The following SOX6 variants were observed in gnomAD, a reference collection of about 807,000 sequenced individuals.
The protein encoded by SOX6 is transcription factor SOX-6.
In SOX6, 11 loss-of-function variants were observed where a neutral mutation model predicts 97.8. The ratio of observed to expected loss-of-function variants is 0.11; its 90% confidence interval spans 0.07 to 0.19. The LOEUF is 0.19. SOX6 is among the 10% of genes least tolerant of loss of function. SOX6 has a pLI of 1.00. For synonymous variants in SOX6, 360 were observed against 371.4 expected, an observed-to-expected ratio of 0.97 and a Z score of 0.35; for missense variants, 810 against 1,039.5, an observed-to-expected ratio of 0.78 and a Z score of 3.04.
chr11:16,460,926 C>A (rs1258758378), intron 1 of SOX6, among the ~76,000 whole-genome samples: 1 of 152,022 alleles, frequency 6.6e-6, no homozygotes, highest in Non-Finnish European at 1.5e-5. Context: ...TAGGTCCTAG[C>A]CTTAATATCT....
chr11:16,427,141 A>C (rs1859158128), intron 1 of SOX6, among the ~76,000 whole-genome samples: 1 of 152,062 alleles, frequency 6.6e-6, no homozygotes, highest in Admixed American at 6.5e-5. Flanking sequence ...AATTAAACTA[A>C]AAAGCTTCTG....
chr11:16,009,781 G>A (rs1463587857), intron 13 of SOX6, among the ~76,000 whole-genome samples: 7 of 152,002 alleles, frequency 4.6e-5, no homozygotes, highest in Admixed American at 2.0e-4. Context: ...TTGAACTAAT[G>A]ATCTTTACAT....
At chr11:16,566,727 A>C (rs1847876749) in intron 4 of SOX6, among the ~76,000 whole-genome samples, 1 of 152,262 alleles carries the variant, frequency 6.6e-6, no homozygotes. Flanking sequence ...TACATGGCTC[A>C]TGGAAAGGTA....
intron 1 of SOX6, among the ~76,000 whole-genome samples, chr11:16,422,482 C>T (rs528372006): frequency 3.0e-4 from 46 of 152,176 alleles, no homozygotes; most frequent in Admixed American, 1.1e-3. Flanking sequence ...AGTTCTGGTC[C>T]TCAGTGGCCT....
intron 4 of SOX6, among the ~76,000 whole-genome samples, chr11:16,548,381 T>C (rs10832643): frequency 0.25 from 37,472 of 152,060 alleles, 5,115 homozygotes; most frequent in East Asian, 0.48. Context: ...GAAAATGTTC[T>C]CAATTTTTAA....
At chr11:16,472,643 T>G (rs1290521450) in intron 1 of SOX6, among the ~76,000 whole-genome samples, 1 of 152,118 alleles carries the variant, frequency 6.6e-6, no homozygotes, top group East Asian at 1.9e-4. Context: ...ATACATAAAA[T>G]GTATTAAACT....
At chr11:16,011,865 C>A (rs1239187677) in intron 13 of SOX6, among the ~76,000 whole-genome samples, 1 of 151,998 alleles carries the variant, frequency 6.6e-6, no homozygotes, top group Non-Finnish European at 1.5e-5. Context: ...TCAACTCAGC[C>A]CGGCTAAGGA....
At chr11:16,438,900 A>C (rs1274762640) in intron 1 of SOX6, among the ~76,000 whole-genome samples, 1 of 152,136 alleles carries the variant, frequency 6.6e-6, no homozygotes, top group Non-Finnish European at 1.5e-5. Context: ...CCACAGAAGT[A>C]ACCTTATAAT....
chr11:16,394,179 A>G (rs1296990804), intron 1 of SOX6, among the ~76,000 whole-genome samples: 3 of 152,000 alleles, frequency 2.0e-5, no homozygotes, highest in Admixed American at 6.6e-5. Context: ...TCATTGAAGA[A>G]GATGGAAAAA....
intron 1 of SOX6, among the ~76,000 whole-genome samples, chr11:16,348,879 T>C (rs1310293923): frequency 6.6e-6 from 1 of 152,158 alleles, no homozygotes; most frequent in East Asian, 1.9e-4. Flanking sequence ...TGAAAATTCA[T>C]CTCATGAAAG....
At chr11:16,227,486 T>C (rs1565032752) in intron 4 of SOX6, among the ~76,000 whole-genome samples, 1 of 152,098 alleles carries the variant, frequency 6.6e-6, no homozygotes, top group Non-Finnish European at 1.5e-5. Context: ...CAGACTGGAA[T>C]GTAGTGGTGC....
intron 4 of SOX6, among the ~76,000 whole-genome samples, chr11:16,580,349 C>A (rs1848021163): frequency 6.6e-6 from 1 of 151,904 alleles, no homozygotes; most frequent in Non-Finnish European, 1.5e-5. Flanking sequence ...TATATAAATT[C>A]AATTACCAGG....
At chr11:16,316,972 T>C (rs1179861214) in intron 3 of SOX6, 1 of 152,028 alleles carries the variant, frequency 6.6e-6, no homozygotes, top group East Asian at 1.9e-4. Context: ...AATTTCCTGA[T>C]TATCTAATTT....
At chr11:16,404,899 T>C (rs1165669242) in intron 1 of SOX6, among the ~76,000 whole-genome samples, 1 of 152,052 alleles carries the variant, frequency 6.6e-6, no homozygotes. Flanking sequence ...CTCTTTTTAA[T>C]CTTTTCCTTG....
In SOX6 at chr11:16,111,752, A is replaced by G. The variant is rs112878681; in HGVS notation, c.898+51T>C. 9,427 of 1,608,068 alleles carry G rather than the reference A, an allele frequency of 5.9e-3. 41 individuals carry two copies. The highest frequency in any genetic ancestry group is 7.2e-3 in the Non-Finnish European group (8,509 of 1,176,006). ...TGTTTGTTGTGAGTACTAAGCATAA[A>G]CATGCAGATCTGAGCATTTGGAAAA... is the stretch of plus-strand genomic sequence containing the variant. On this transcript the variant is annotated intron_variant, in intron 7 of 15. Transcript: ENST00000683767.
intron 4 of SOX6, among the ~76,000 whole-genome samples, chr11:16,578,712 A>G (rs751411899): frequency 2.4e-4 from 37 of 152,146 alleles, no homozygotes; most frequent in Non-Finnish European, 5.0e-4. Context: ...ATGACTCCTG[A>G]AAAGAAAGAG....
chr11:16,446,529 A>T (rs757238299), intron 1 of SOX6, among the ~76,000 whole-genome samples: 51 of 152,084 alleles, frequency 3.4e-4, no homozygotes, highest in Non-Finnish European at 6.9e-4. Context: ...CTTGGTTAGG[A>T]ATTTTAGTGG....
chr11:16,258,847 A>G (rs928314179), intron 3 of SOX6, among the ~76,000 whole-genome samples: 12 of 151,720 alleles, frequency 7.9e-5, no homozygotes, highest in Non-Finnish European at 1.6e-4. Flanking sequence ...ACACACACAT[A>G]TATATACATA....
chr11:16,233,319 A>G (rs2134173986), intron 4 of SOX6, among the ~76,000 whole-genome samples: 1 of 152,314 alleles, frequency 6.6e-6, no homozygotes, highest in East Asian at 1.9e-4. Flanking sequence ...CAAAAATAAT[A>G]ATAATACAGC....
Sources: allele counts gnomAD v4.1 joint callset (sites outside exome capture counted in the v4.1 genomes callset), GRCh38; gene constraint gnomAD v4.1.1; transcripts MANE v1.5; gene names NCBI Gene and HGNC (gene_info 2026-07-23, HGNC 2026-07-21).